Variants in AK5 observed in about 807,000 individuals in gnomAD.
AK5 encodes adenylate kinase 5, also known as adenylate kinase isoenzyme 5.
In AK5, 27 loss-of-function variants were observed where a neutral mutation model predicts 69.5. The ratio of observed to expected loss-of-function variants is 0.39; its 90% CI spans 0.29 to 0.54. AK5 has a LOEUF of 0.54. Among genes scored for constraint, AK5 ranks in the 20% least tolerant of loss-of-function variants. The probability of loss-of-function intolerance (pLI) is 0.71; values close to 1 mark genes in which losing one functional copy is unlikely to be tolerated. For missense variants in AK5, 531 were observed against 700.4 expected (o/e 0.76, Z 2.73); for synonymous variants, 260 against 244.4 (o/e 1.06, Z -0.60).
intron 5 of AK5, among the ~76,000 whole-genome samples, chr1:77,330,237 T>C (rs1207256035): frequency 6.6e-6 from 1 of 152,238 alleles, no homozygotes; most frequent in Non-Finnish European, 1.5e-5. Context: ...TTCTCTATTT[T>C]AAAGCAATCT....
chr1:77,525,415 C>T (rs541021558), intron 12 of AK5, among the ~76,000 whole-genome samples: 2 of 152,180 alleles, frequency 1.3e-5, no homozygotes, highest in Non-Finnish European at 2.9e-5. Flanking sequence ...CATGGTTCTG[C>T]AGCCTGTACA....
chr1:77,539,044 A>G lies in AK5; in HGVS notation c.1620+3006A>G, dbSNP rs181231170. On this transcript the variant is annotated intron_variant, in intron 13 of 13. Coordinates refer to ENST00000354567, the MANE Select transcript of AK5 (RefSeq NM_174858.3). ...TATTTATGTTTAGAAAACAGAAGTGAGGAACTGAGGTTAATTAGTTACAGC... is the reference window on the plus strand; with the variant it reads ...TATTTATGTTTAGAAAACAGAAGTGGGGAACTGAGGTTAATTAGTTACAGC... Among the ~76,000 whole-genome samples the G allele has an allele frequency of 1.5e-3, 234 of 152,384 alleles. 2 individuals carry two copies. The highest frequency in any genetic ancestry group is 5.4e-3 in the African/African-American group (225 of 41,598).
chr1:77,390,639 A>G (rs1350593243), intron 6 of AK5, among the ~76,000 whole-genome samples: 3 of 152,246 alleles, frequency 2.0e-5, no homozygotes, highest in Non-Finnish European at 4.4e-5. Context: ...TCTGTTTTAA[A>G]AAGTAGAAAG....
chr1:77,516,689 G>A (rs1657663305), intron 10 of AK5, among the ~76,000 whole-genome samples: 1 of 152,084 alleles, frequency 6.6e-6, no homozygotes, highest in African/African-American at 2.4e-5. Context: ...ATGGAGGTGG[G>A]AGTGCCCTCC....
At chr1:77,542,444 A>T (rs1333884432) in intron 13 of AK5, among the ~76,000 whole-genome samples, 1 of 152,200 alleles carries the variant, frequency 6.6e-6, no homozygotes, top group East Asian at 1.9e-4. Context: ...GGAAAGTCTG[A>T]GGAGGTAGCA....
At chr1:77,283,629 C>T in intron 1 of AK5, 2 of 985,386 alleles carry the variant, frequency 2.0e-6, no homozygotes, top group Non-Finnish European at 2.4e-6. Context: ...ACTCACTGAA[C>T]TCAAGCGTGG....
At chr1:77,357,091 A>G (rs938593396) in intron 6 of AK5, among the ~76,000 whole-genome samples, 1 of 152,138 alleles carries the variant, frequency 6.6e-6, no homozygotes, top group Non-Finnish European at 1.5e-5. Flanking sequence ...CACCAAGGAC[A>G]TTGGGTAGGA....
chr1:77,358,263 A>G (rs1662653624), intron 6 of AK5, among the ~76,000 whole-genome samples: 1 of 152,130 alleles, frequency 6.6e-6, no homozygotes, highest in Non-Finnish European at 1.5e-5. Flanking sequence ...TTAACTTAAA[A>G]TTATTCACAA....
intron 8 of AK5, among the ~76,000 whole-genome samples, chr1:77,426,444 G>T (rs1651215187): frequency 6.6e-6 from 1 of 152,188 alleles, no homozygotes. Context: ...AATTCTTAAT[G>T]TGTATGTGCC....
chr1:77,438,280 C>G (rs1363816848), intron 8 of AK5, among the ~76,000 whole-genome samples: 2 of 98,714 alleles, frequency 2.0e-5, no homozygotes, highest in Non-Finnish European at 3.7e-5. Flanking sequence ...TTTGTTTTAA[C>G]CCTATATTTG....
At chr1:77,287,589 C>T (rs1658432249) in intron 2 of AK5, among the ~76,000 whole-genome samples, 1 of 152,112 alleles carries the variant, frequency 6.6e-6, no homozygotes, top group African/African-American at 2.4e-5. Flanking sequence ...AAAGTTTATA[C>T]TAGTGATAAA....
intron 6 of AK5, among the ~76,000 whole-genome samples, chr1:77,375,591 C>G (rs866366026): frequency 2.6e-5 from 4 of 152,158 alleles, no homozygotes; most frequent in African/African-American, 4.8e-5. Context: ...TTTTGATGGA[C>G]TGGATCTTCA....
intron 6 of AK5, among the ~76,000 whole-genome samples, chr1:77,390,430 G>A (rs1648346563): frequency 1.3e-5 from 2 of 152,194 alleles, no homozygotes; most frequent in Admixed American, 1.3e-4. Flanking sequence ...TCATTACTCA[G>A]TATCAGTAAA....
chr1:77,348,509 TAA>T, intron 6 of AK5, among the ~76,000 whole-genome samples: 1 of 145,374 alleles, frequency 6.9e-6, no homozygotes, highest in Non-Finnish European at 1.5e-5. Context: ...TAAAGTATAA[TAA>T]AAAAAAAATT....
At chr1:77,339,792 C>T (rs1048992189) in intron 5 of AK5, among the ~76,000 whole-genome samples, 2 of 151,778 alleles carry the variant, frequency 1.3e-5, no homozygotes, top group Non-Finnish European at 2.9e-5. Context: ...ATTACAGGTG[C>T]GTGCCACCAC....
intron 8 of AK5, among the ~76,000 whole-genome samples, chr1:77,428,346 C>T (rs1651352375): frequency 6.6e-6 from 1 of 152,196 alleles, no homozygotes; most frequent in South Asian, 2.1e-4. Flanking sequence ...ACAGAGAAAA[C>T]TATCACTTAG....
intron 6 of AK5, among the ~76,000 whole-genome samples, chr1:77,387,633 A>G (rs546374867): frequency 3.3e-5 from 5 of 152,296 alleles, no homozygotes; most frequent in South Asian, 2.1e-4. Context: ...CTAAACCCCA[A>G]TCATACTCCC....
chr1:77,503,699 C>G (rs552515556), intron 10 of AK5, among the ~76,000 whole-genome samples: 5 of 151,936 alleles, frequency 3.3e-5, no homozygotes, highest in South Asian at 4.2e-4. Flanking sequence ...GTCAGGAGTT[C>G]GAGACCAGCC....
intron 5 of AK5, among the ~76,000 whole-genome samples, chr1:77,316,654 C>T (rs1442430348): frequency 6.6e-6 from 1 of 152,142 alleles, no homozygotes; most frequent in Admixed American, 6.5e-5. Flanking sequence ...GTTTTCTAAG[C>T]ATTAGCACTT....
Sources: allele counts gnomAD v4.1 joint callset (sites outside exome capture counted in the v4.1 genomes callset), GRCh38; gene constraint gnomAD v4.1.1; transcripts MANE v1.5; gene names NCBI Gene and HGNC (gene_info 2026-07-23, HGNC 2026-07-21).